Variants in FER observed in about 807,000 individuals in gnomAD.
FER encodes the protein tyrosine-protein kinase Fer.
Under a neutral mutation model 111.0 loss-of-function variants are expected in FER, and 63 were observed. The observed-to-expected ratio is 0.57, with a 90% CI of 0.46 to 0.70. The LOEUF (loss-of-function observed/expected upper bound fraction) is 0.70, where lower values mean the gene tolerates loss of function less well. Among genes scored for constraint, FER ranks in the 30% least tolerant of loss-of-function variants. FER has a pLI of 0.00. For synonymous variants in FER, 327 were observed against 313.9 expected (o/e 1.04, Z -0.44); for missense variants, 914 against 954.0 (o/e 0.96, Z 0.55).
chr5:109,187,097 AAC>A (rs1221048161), intron 19 of FER, among the ~76,000 whole-genome samples: 3 of 152,242 alleles, frequency 2.0e-5, no homozygotes, highest in Non-Finnish European at 2.9e-5. Flanking sequence ...CATCTTGAAA[AAC>A]ACAGATGATT....
intron 10 of FER, among the ~76,000 whole-genome samples, chr5:108,905,428 A>G (rs1327058881): frequency 6.6e-6 from 1 of 152,152 alleles, no homozygotes; most frequent in Non-Finnish European, 1.5e-5. Flanking sequence ...TAGCCCTAGA[A>G]GGATATAATA....
At chr5:108,882,837 C>A (rs73781906) in intron 8 of FER, among the ~76,000 whole-genome samples, 1 of 151,190 alleles carries the variant, frequency 6.6e-6, no homozygotes, top group African/African-American at 2.4e-5. Context: ...GGTTTGTGAG[C>A]GCATATTAAT....
intron 16 of FER, among the ~76,000 whole-genome samples, chr5:109,094,734 T>C (rs1304913233): frequency 6.6e-6 from 1 of 152,196 alleles, no homozygotes; most frequent in Admixed American, 6.5e-5. Flanking sequence ...GGCAATAGGC[T>C]GGATTGGGCT....
At chr5:109,136,627 C>G (rs1010799506) in intron 17 of FER, among the ~76,000 whole-genome samples, 2 of 152,034 alleles carry the variant, frequency 1.3e-5, no homozygotes, top group Admixed American at 1.3e-4. Flanking sequence ...TTCACAGTAG[C>G]CTAGTGAGGT....
At position 108,897,648 on chromosome 5, in the gene FER, TTC is replaced by T; in HGVS notation, c.1047-7_1047-6del. ...ATGAAGTTGAAATCATTTATATTTA[TTC>T]TCTTTTAGTATTGTGCTTCTGCTAA... On this transcript the variant is annotated splice_polypyrimidine_tract_variant and intron_variant, in intron 9 of 19. Transcript: ENST00000281092. The T allele has an allele frequency of 6.6e-7, 1 of 1,517,438 alleles. No individual in the cohort carries two copies. Among genetic ancestry groups the T allele is most frequent in the Non-Finnish European group, 8.8e-7 (1 of 1,134,868 alleles). 94.0% of individuals were successfully genotyped at this position (1,517,438 alleles called of 1,614,324 possible).
At chr5:108,863,070 A>C (rs1243451295) in intron 5 of FER, among the ~76,000 whole-genome samples, 1 of 152,080 alleles carries the variant, frequency 6.6e-6, no homozygotes, top group Non-Finnish European at 1.5e-5. Context: ...AGGGGTGATC[A>C]CTTTTAGATG....
chr5:108,883,899 C>T (rs1017430704), intron 9 of FER, among the ~76,000 whole-genome samples: 1 of 151,930 alleles, frequency 6.6e-6, no homozygotes, highest in Non-Finnish European at 1.5e-5. Context: ...TATAAATAGT[C>T]TCTACTCTGT....
intron 10 of FER, among the ~76,000 whole-genome samples, chr5:108,936,243 CT>C (rs1243603553): frequency 6.6e-6 from 1 of 151,930 alleles, no homozygotes; most frequent in Non-Finnish European, 1.5e-5. Flanking sequence ...GAAAATGATT[CT>C]GCTTAATATA....
chr5:109,091,890 A>G (rs1364923723), intron 16 of FER, among the ~76,000 whole-genome samples: 1 of 152,174 alleles, frequency 6.6e-6, no homozygotes, highest in Non-Finnish European at 1.5e-5. Flanking sequence ...GAGCTTTATT[A>G]TTTATTAAGA....
At chr5:108,811,422 A>G (rs1411543186) in intron 3 of FER, among the ~76,000 whole-genome samples, 1 of 152,170 alleles carries the variant, frequency 6.6e-6, no homozygotes, top group Admixed American at 6.5e-5. Context: ...TATCAGTTGA[A>G]TGTTTAAAAA....
At chr5:109,153,224 C>T (rs1045433194) in intron 17 of FER, among the ~76,000 whole-genome samples, 45 of 139,538 alleles carry the variant, frequency 3.2e-4, no homozygotes, top group East Asian at 2.2e-3. Context: ...AAAAAAAAAT[C>T]AATTTGGACA....
At chr5:108,988,764 T>C (rs1368410390) in intron 13 of FER, among the ~76,000 whole-genome samples, 1 of 152,064 alleles carries the variant, frequency 6.6e-6, no homozygotes, top group Non-Finnish European at 1.5e-5. Flanking sequence ...TTTGTTGTTG[T>C]TGGTTTTGGT....
chr5:109,075,613 CGGGGTT>C (rs1776244210), intron 16 of FER, among the ~76,000 whole-genome samples: 1 of 151,732 alleles, frequency 6.6e-6, no homozygotes, highest in African/African-American at 2.4e-5. Context: ...TTAGTAGAGA[CGGGGTT>C]TCACCGTGTT....
intron 17 of FER, among the ~76,000 whole-genome samples, chr5:109,124,896 A>C (rs1239494377): frequency 6.6e-6 from 1 of 151,996 alleles, no homozygotes; most frequent in Non-Finnish European, 1.5e-5. Context: ...AATACAAAAA[A>C]TTAGCCAGGC....
At chr5:109,084,559 T>G (rs1316560010) in intron 16 of FER, among the ~76,000 whole-genome samples, 1 of 151,912 alleles carries the variant, frequency 6.6e-6, no homozygotes, top group African/African-American at 2.4e-5. Context: ...TACTTATTTG[T>G]GTAATGATAT....
At chr5:108,939,618 C>T (rs72793930) in intron 10 of FER, among the ~76,000 whole-genome samples, 28,950 of 151,964 alleles carry the variant, frequency 0.19, 3,147 homozygotes, top group African/African-American at 0.3. Flanking sequence ...CACTTAGAAT[C>T]TGACTGACTT....
At chr5:108,805,043 A>T (rs1276908046) in intron 3 of FER, among the ~76,000 whole-genome samples, 1 of 150,898 alleles carries the variant, frequency 6.6e-6, no homozygotes, top group Non-Finnish European at 1.5e-5. Context: ...TCAGGGTTTC[A>T]GTTTCTTCCT....
Position 108,891,581 on chromosome 5 carries a change from G to C in FER, c.1047-6078G>C, listed in dbSNP as rs551988301. ...CCATTTTATTTCTTTTAAGGTTTGT[G>C]GTTGGTGCTTTGGTGTTAAGTCTAA... On this transcript the variant is annotated intron_variant, in intron 9 of 19. Coordinates refer to ENST00000281092, the MANE Select transcript of FER (RefSeq NM_005246.4). The C allele has an allele frequency of 2.6e-5, 4 of 151,242 alleles. No homozygotes were observed. In the East Asian group the frequency reaches 7.7e-4, roughly 29 times the overall value. 9.4% of individuals were successfully genotyped at this position (151,242 alleles called of 1,614,324 possible).
At chr5:109,133,967 G>A (rs1752630373) in intron 17 of FER, among the ~76,000 whole-genome samples, 1 of 152,012 alleles carries the variant, frequency 6.6e-6, no homozygotes, top group South Asian at 2.1e-4. Flanking sequence ...ATTGACGATA[G>A]CTGAAGGGTT....
Sources: allele counts gnomAD v4.1 joint callset (sites outside exome capture counted in the v4.1 genomes callset), GRCh38; gene constraint gnomAD v4.1.1; transcripts MANE v1.5; gene names NCBI Gene and HGNC (gene_info 2026-07-23, HGNC 2026-07-21).